Variants in GABBR2 observed in about 807,000 individuals in gnomAD.
GABBR2 encodes the protein gamma-aminobutyric acid type B receptor subunit 2, also known as G-protein coupled receptor 51.
A neutral mutation model predicts 105.6 loss-of-function variants in GABBR2; 23 were observed. That is an observed-to-expected ratio of 0.22 (90% CI 0.16 to 0.31). The LOEUF (loss-of-function observed/expected upper bound fraction) is 0.31, where lower values mean the gene tolerates loss of function less well. Ranked by LOEUF, GABBR2 falls within the 10% of genes least tolerant of loss-of-function variation. GABBR2 has a pLI of 1.00. For missense variants in GABBR2, 734 were observed against 1,245.5 expected (o/e 0.59, Z 6.18); for synonymous variants, 478 against 499.7 (o/e 0.96, Z 0.58).
Position 98,388,703 on chromosome 9 carries a change from C to T in GABBR2, c.1529+151G>A, listed in dbSNP as rs1406056802. On this transcript the variant is annotated intron_variant, in intron 10 of 18. Transcript: ENST00000259455. This position sits in a 1 kb window ranked among gnomAD's most constrained non-coding sequence, Gnocchi z 4.4. ...CGTACTCACATGCATGTAACACCTA[C>T]AACATCCTAGCAACGGAGGAACACT... 2.8e-5 allele frequency: 14 copies of T among 500,796 alleles called. No individual in the cohort carries two copies. The highest frequency in any genetic ancestry group is 7.2e-6 in the Non-Finnish European group (2 of 279,232). 31.0% of individuals were successfully genotyped at this position (500,796 alleles called of 1,614,324 possible).
intron 1 of GABBR2, among the ~76,000 whole-genome samples, chr9:98,605,664 C>T (rs1242746421): frequency 6.6e-6 from 1 of 152,204 alleles, no homozygotes; most frequent in African/African-American, 2.4e-5. Context: ...AGGCTTCAAA[C>T]TGCGTGACAT....
chr9:98,640,659 C>T (rs970227064), intron 1 of GABBR2, among the ~76,000 whole-genome samples: 4 of 152,022 alleles, frequency 2.6e-5, no homozygotes, highest in Non-Finnish European at 5.9e-5. Context: ...CTGTGTTTTG[C>T]GGGCCCAGAG....
chr9:98,570,058 A>G lies in GABBR2; in HGVS notation c.459+7877T>C, dbSNP rs2131772483. ...CATGCTTTCGAGTTTTCAGAAATCA[A>G]GTCCTAAACGTATTGGGACTCCATT... On this transcript the variant is annotated intron_variant, in intron 2 of 18. Transcript: ENST00000259455. 1.3e-5 allele frequency among the ~76,000 whole-genome samples: 2 copies of G among 152,336 alleles called. 1 individual carries two copies. The highest frequency in any genetic ancestry group is 4.1e-4 in the South Asian group (2 of 4,830).
intron 4 of GABBR2, among the ~76,000 whole-genome samples, chr9:98,489,833 C>T (rs910399479): frequency 3.3e-5 from 5 of 152,198 alleles, no homozygotes; most frequent in African/African-American, 1.2e-4. Flanking sequence ...GTGGCTCACG[C>T]CTGTAATCCA....
chr9:98,690,943 C>T (rs1830675422), intron 1 of GABBR2, among the ~76,000 whole-genome samples: 1 of 152,232 alleles, frequency 6.6e-6, no homozygotes. Context: ...CCTCTCACTG[C>T]TGAGTTCCAC....
intron 7 of GABBR2, among the ~76,000 whole-genome samples, chr9:98,428,411 C>T (rs1825737537): frequency 6.6e-6 from 1 of 152,196 alleles, no homozygotes; most frequent in Admixed American, 6.5e-5. Flanking sequence ...GACCAATCTC[C>T]TTCCTCCTGG....
chr9:98,655,695 A>G (rs1484882123), intron 1 of GABBR2, among the ~76,000 whole-genome samples: 2 of 152,234 alleles, frequency 1.3e-5, no homozygotes, highest in Non-Finnish European at 2.9e-5. Flanking sequence ...AGGGACATGG[A>G]TGAAGCTGGA....
At chr9:98,473,807 T>A (rs1159876010) in intron 5 of GABBR2, among the ~76,000 whole-genome samples, 1 of 152,192 alleles carries the variant, frequency 6.6e-6, no homozygotes, top group Non-Finnish European at 1.5e-5. Context: ...ATGTCCCATA[T>A]GGAGAGGATA....
chr9:98,566,763 C>T (rs1828756384), intron 2 of GABBR2, among the ~76,000 whole-genome samples: 2 of 122,106 alleles, frequency 1.6e-5, no homozygotes, highest in African/African-American at 6.3e-5. Flanking sequence ...GGGAGGATCA[C>T]TTGAGCATGG....
At chr9:98,542,918 A>G (rs936508126) in intron 2 of GABBR2, among the ~76,000 whole-genome samples, 6 of 151,900 alleles carry the variant, frequency 3.9e-5, no homozygotes, top group Admixed American at 3.9e-4. Flanking sequence ...TTATTTTTTG[A>G]GTGGTATTCT....
intron 13 of GABBR2, among the ~76,000 whole-genome samples, chr9:98,353,284 C>T (rs984357838): frequency 1.3e-5 from 2 of 152,196 alleles, no homozygotes; most frequent in East Asian, 3.8e-4. Flanking sequence ...AATCCAGTCA[C>T]ATCTTTAGGC....
intron 1 of GABBR2, among the ~76,000 whole-genome samples, chr9:98,619,946 G>A (rs1026800451): frequency 2.6e-5 from 4 of 152,182 alleles, no homozygotes; most frequent in African/African-American, 9.7e-5. Context: ...CTCACCTGCT[G>A]TGTGGCCTTG....
chr9:98,404,684 T>C (rs1018289180), intron 8 of GABBR2, among the ~76,000 whole-genome samples: 13 of 152,128 alleles, frequency 8.5e-5, no homozygotes, highest in African/African-American at 3.1e-4. Context: ...TCCTCAAGGA[T>C]GCTCCTCACA....
At chr9:98,489,977 C>T (rs1827142414) in intron 4 of GABBR2, among the ~76,000 whole-genome samples, 1 of 152,170 alleles carries the variant, frequency 6.6e-6, no homozygotes, top group African/African-American at 2.4e-5. Context: ...CCTGTAATCC[C>T]AGCTACTCAG....
rs113747643 is a variant in GABBR2 at position 98,388,619 on chromosome 9, C to CTGTGTGTGTGTGTGTGTGTG, written c.1529+215_1529+234dup. On this transcript the variant is annotated intron_variant, in intron 10 of 18. Transcript: ENST00000259455. The surrounding 1 kb of genome is among the most constrained non-coding windows in gnomAD (Gnocchi z 4.4). The stretch of plus-strand genomic sequence containing the variant: ...TCCTGTGCAACCAGCAGCCTGGCCT[C>CTGTGTGTGTGTGTGTGTGTG]TGTGTGTGTGTGTGTGTGTGTGTGT... Among the ~76,000 whole-genome samples, 1 of 144,468 alleles carries CTGTGTGTGTGTGTGTGTGTG rather than the reference C, an allele frequency of 6.9e-6. No individual in the cohort carries two copies. The highest frequency in any genetic ancestry group is 2.6e-5 in the African/African-American group (1 of 39,126). 94.8% of individuals were successfully genotyped at this position (144,468 alleles called of 152,430 possible). A position where few individuals can be genotyped will look rare whatever the true frequency, so the allele number is the denominator to read the frequency against.
intron 13 of GABBR2, among the ~76,000 whole-genome samples, chr9:98,330,870 C>CA (rs1831012250): frequency 6.6e-6 from 1 of 152,094 alleles, no homozygotes; most frequent in Non-Finnish European, 1.5e-5. Flanking sequence ...TCATCACCCC[C>CA]AAAAGAAACC....
chr9:98,565,416 A>G (rs1828738567), intron 2 of GABBR2, among the ~76,000 whole-genome samples: 2 of 152,178 alleles, frequency 1.3e-5, no homozygotes, highest in African/African-American at 2.4e-5. Flanking sequence ...TGCCAGGCTT[A>G]AGGCAGGCAC....
rs550479951 is a variant in GABBR2, at chr9:98,633,623, T to C, written c.322-55551A>G. 2.9e-4 allele frequency among the ~76,000 whole-genome samples: 12 copies of C among 41,672 alleles called. No individual in the cohort carries two copies. The South Asian group carries it at 6.3e-3, about 22-fold the overall frequency. The allele number at this position is 41,672 out of a possible 152,430, so 27.3% of individuals were successfully genotyped here. A position where few individuals can be genotyped will look rare whatever the true frequency, so the allele number is the denominator to read the frequency against. ...TGGGCAACAAGAGCGCGAGACTCCA[T>C]CTCAAAAAAAAAAAAAAAAAAAGAA... On this transcript the variant is annotated intron_variant, in intron 1 of 18. Coordinates refer to ENST00000259455, the MANE Select transcript of GABBR2 (RefSeq NM_005458.8).
At chr9:98,578,094 G>T (rs1242993253) in intron 1 of GABBR2, 22 bp from the exon 2 acceptor site, 1 of 1,612,654 alleles carries the variant, frequency 6.2e-7, no homozygotes, top group Non-Finnish European at 8.5e-7. Flanking sequence ...CACATAGAAA[G>T]AAAGGTCCAA....
Sources: allele counts gnomAD v4.1 joint callset (sites outside exome capture counted in the v4.1 genomes callset), GRCh38; gene constraint gnomAD v4.1.1; non-coding constraint Gnocchi (gnomAD v3.1); transcripts MANE v1.5; gene names NCBI Gene and HGNC (gene_info 2026-07-23, HGNC 2026-07-21).